Variants in DPP6 observed in about 807,000 individuals in gnomAD.
DPP6 encodes the protein A-type potassium channel modulatory protein DPP6.
In DPP6, 69 loss-of-function variants were observed where a neutral mutation model predicts 122.6. The observed-to-expected ratio is 0.56, with a 90% CI of 0.46 to 0.69. The LOEUF is 0.69. DPP6 is among the 30% of genes least tolerant of loss of function. The probability of loss-of-function intolerance (pLI) is 0.00; values close to 1 mark genes in which losing one functional copy is unlikely to be tolerated. For synonymous variants in DPP6, 418 were observed against 433.1 expected, an observed-to-expected ratio of 0.97 and a Z score of 0.43; for missense variants, 928 against 1,116.9, an observed-to-expected ratio of 0.83 and a Z score of 2.41.
chr7:154,469,332 G>A (rs1822061825), intron 2 of DPP6, among the ~76,000 whole-genome samples: 1 of 152,172 alleles, frequency 6.6e-6, no homozygotes, highest in African/African-American at 2.4e-5. Flanking sequence ...TACATTTGGG[G>A]TTGGATGACT....
intron 1 of DPP6, among the ~76,000 whole-genome samples, chr7:154,380,230 G>A (rs1187910151): frequency 6.6e-6 from 1 of 152,156 alleles, no homozygotes; most frequent in East Asian, 1.9e-4. Flanking sequence ...GTAAAAGAGG[G>A]GTAAGAGTAG....
chr7:154,016,233 T>C lies in DPP6; in HGVS notation c.51+128499T>C, dbSNP rs188598507. ...TTATCTTCTTCTCAACACGTATCAC[T>C]ATCAAGACATTGAACAAGGAAATAC... is the stretch of plus-strand genomic sequence containing the variant. On this transcript the variant is annotated intron_variant, in intron 1 of 25. Coordinates refer to the DPP6 transcript ENST00000404039. Among the ~76,000 whole-genome samples the C allele has an allele frequency of 4.3e-3, 653 of 152,316 alleles. 3 individuals carry two copies. The highest frequency in any genetic ancestry group is 0.015 in the African/African-American group (612 of 41,560).
At chr7:153,823,384 C>T in the DPP6 span, among the ~76,000 whole-genome samples, 5 of 147,286 alleles carry the variant, frequency 3.4e-5, no homozygotes, top group African/African-American at 1.3e-4. Flanking sequence ...CCTCTTGCCT[C>T]CCGGCTTCTG....
the DPP6 span, among the ~76,000 whole-genome samples, chr7:153,762,359 G>A: frequency 1.3e-5 from 2 of 152,170 alleles, no homozygotes; most frequent in African/African-American, 2.4e-5. Flanking sequence ...TCCATCCTAT[G>A]TAGGCTTTTG....
At chr7:154,621,636 A>G (rs1243958385) in intron 5 of DPP6, among the ~76,000 whole-genome samples, 1 of 152,166 alleles carries the variant, frequency 6.6e-6, no homozygotes, top group East Asian at 1.9e-4. Context: ...CAAAGTGCTA[A>G]GATTAGAGGC....
chr7:154,093,971 T>C (rs927695202), intron 1 of DPP6: 3 of 152,204 alleles, frequency 2.0e-5, no homozygotes, highest in African/African-American at 4.8e-5. Context: ...CTTTAATTCC[T>C]GCTAGCATAA....
intron 1 of DPP6, among the ~76,000 whole-genome samples, chr7:153,957,484 G>A (rs796993708): frequency 6.1e-4 from 93 of 152,228 alleles, no homozygotes; most frequent in African/African-American, 1.9e-3. Flanking sequence ...TCCACTTCCC[G>A]GCCACATAGA....
chr7:154,225,316 A>G (rs970758812), intron 1 of DPP6, among the ~76,000 whole-genome samples: 2 of 152,184 alleles, frequency 1.3e-5, no homozygotes, highest in African/African-American at 4.8e-5. Context: ...TAAGAAGATA[A>G]GAGTTTTCTT....
chr7:154,718,137 T>C (rs1841596375), intron 7 of DPP6, among the ~76,000 whole-genome samples: 1 of 152,218 alleles, frequency 6.6e-6, no homozygotes, highest in Non-Finnish European at 1.5e-5. Context: ...GTTCCTTATG[T>C]ATTATGGATA....
intron 1 of DPP6, among the ~76,000 whole-genome samples, chr7:154,379,087 T>C (rs1324446474): frequency 6.6e-6 from 1 of 152,176 alleles, no homozygotes; most frequent in Admixed American, 6.5e-5. Context: ...ACATTGGGTG[T>C]TATGATTTAA....
the DPP6 span, among the ~76,000 whole-genome samples, chr7:153,770,469 G>A: frequency 1.3e-5 from 2 of 151,708 alleles, no homozygotes; most frequent in African/African-American, 2.4e-5. Context: ...AAACAATAAC[G>A]AATCCCAAAC....
chr7:154,303,310 G>A (rs906601824), intron 1 of DPP6, among the ~76,000 whole-genome samples: 3 of 152,136 alleles, frequency 2.0e-5, no homozygotes, highest in Non-Finnish European at 4.4e-5. Context: ...GTGTGTGAGG[G>A]GAGAGTGACT....
At position 154,053,014 on chromosome 7, in the gene DPP6, G is replaced by T. The variant is rs879255430; in HGVS notation, c.194G>T (p.Gly65Val). The T allele has an allele frequency of 7.6e-6, 8 of 1,057,564 alleles. No individual in the cohort carries two copies. The highest frequency in any genetic ancestry group is 6.2e-5 in the East Asian group (1 of 16,098). 65.5% of individuals were successfully genotyped at this position (1,057,564 alleles called of 1,614,324 possible). Residue 65 changes from glycine to valine, a missense_variant, in exon 1 of 26, where the codon GGC (glycine) becomes GTC (valine). Physicochemically the swap from Gly to Val is moderately radical, Grantham distance 109. Coordinates refer to ENST00000377770, the MANE Select transcript of DPP6 (RefSeq NM_130797.4). ...GGCGGCGGCGGCGGCGGCGCGGGTG[G>T]CCGGCCCCGGTTCCAGTACCAGGCG... ...ERGGGGGGAG[G>V]RPRFQYQARS...
intron 1 of DPP6, among the ~76,000 whole-genome samples, chr7:154,292,907 A>G (rs1376159337): frequency 6.6e-6 from 1 of 152,216 alleles, no homozygotes; most frequent in Admixed American, 6.5e-5. Context: ...CTCTTTTAAC[A>G]CTGATTTACA....
At chr7:154,709,360 TGTTGTTG>T (rs143055243) in intron 7 of DPP6, among the ~76,000 whole-genome samples, 14,280 of 135,778 alleles carry the variant, frequency 0.11, 742 homozygotes, top group African/African-American at 0.18. Context: ...TTTAATGTTT[TGTTGTTG>T]TTGTTGTTGT....
chr7:154,660,362 GT>G lies in DPP6; in HGVS notation c.681-8997del, dbSNP rs1330388242. ...GAATCACCATGGCGTATTGGCCGTA[GT>G]GTTCATATAGTCATGGTGAATCACC... On this transcript the variant is annotated intron_variant, in intron 6 of 25. Transcript: ENST00000377770. Among the ~76,000 whole-genome samples the G allele has an allele frequency of 1.0e-3, 153 of 149,748 alleles. 1 individual carries two copies. The highest frequency in any genetic ancestry group is 1.9e-3 in the Non-Finnish European group (130 of 67,798).
At chr7:153,863,002 A>T in the DPP6 span, among the ~76,000 whole-genome samples, 1 of 152,162 alleles carries the variant, frequency 6.6e-6, no homozygotes, top group African/African-American at 2.4e-5. Flanking sequence ...ATATAAGAAG[A>T]TGCATATATC....
chr7:153,841,026 A>C, the DPP6 span, among the ~76,000 whole-genome samples: 1 of 152,126 alleles, frequency 6.6e-6, no homozygotes, highest in Non-Finnish European at 1.5e-5. Context: ...TGTGAAGAAA[A>C]ACCAGCAAGG....
chr7:153,960,344 A>C (rs1284738505), intron 1 of DPP6, among the ~76,000 whole-genome samples: 1 of 152,032 alleles, frequency 6.6e-6, no homozygotes, highest in Admixed American at 6.6e-5. Context: ...TGTACGCATA[A>C]TTTTATAATT....
Sources: allele counts gnomAD v4.1 joint callset (sites outside exome capture counted in the v4.1 genomes callset), GRCh38; gene constraint gnomAD v4.1.1; transcripts MANE v1.5; gene names NCBI Gene and HGNC (gene_info 2026-07-23, HGNC 2026-07-21).